Variants in HSPA14 observed in about 807,000 individuals in gnomAD.
HSPA14 encodes heat shock protein family A (Hsp70) member 14.
Under a neutral mutation model 65.5 loss-of-function variants are expected in HSPA14, and 37 were observed. That is an observed-to-expected ratio of 0.56 (90% CI 0.43 to 0.74). The LOEUF (loss-of-function observed/expected upper bound fraction) is 0.74. Among genes scored for constraint, HSPA14 ranks in the 30% least tolerant of loss-of-function variants. The pLI is 0.00. For synonymous variants in HSPA14, 203 were observed against 214.2 expected (o/e 0.95, Z 0.46); for missense variants, 564 against 607.6 (o/e 0.93, Z 0.75).
At chr10:14,866,348 G>C (rs1335814026) in intron 10 of HSPA14, among the ~76,000 whole-genome samples, 2 of 152,132 alleles carry the variant, frequency 1.3e-5, no homozygotes, top group Non-Finnish European at 1.5e-5. Context: ...CTTTCATCAG[G>C]TGGTCCTCTG....
intron 10 of HSPA14, among the ~76,000 whole-genome samples, chr10:14,864,450 T>C (rs1046148309): frequency 3.3e-5 from 5 of 152,048 alleles, no homozygotes; most frequent in African/African-American, 1.2e-4. Flanking sequence ...TCATTTACAT[T>C]AGGCATATCT....
intron 10 of HSPA14, among the ~76,000 whole-genome samples, chr10:14,857,866 A>AT (rs369385647): frequency 6.7e-6 from 1 of 148,920 alleles, no homozygotes; most frequent in Non-Finnish European, 1.5e-5. Context: ...GTTGTGACAA[A>AT]TTTTTTTTGC....
chr10:14,858,265 C>G (rs1473396103), intron 10 of HSPA14, among the ~76,000 whole-genome samples: 1 of 152,142 alleles, frequency 6.6e-6, no homozygotes, highest in Admixed American at 6.5e-5. Flanking sequence ...CTTAACCAAC[C>G]GGTCATGAAG....
chr10:14,839,880 A>G (rs1249622711), intron 1 of HSPA14, 25 bp from the exon 2 acceptor site: 1 of 1,575,188 alleles, frequency 6.3e-7, no homozygotes, highest in Non-Finnish European at 8.7e-7. Flanking sequence ...TAATGAGACT[A>G]TGTATTTCGT....
Position 14,862,286 on chromosome 10 carries a change from C to T in HSPA14, c.994-4797C>T, listed in dbSNP as rs1832756896. On this transcript the variant is annotated intron_variant, in intron 10 of 13. Transcript: ENST00000378372. The stretch of plus-strand genomic sequence containing the variant: ...CTCGTGATCCGCCTGCCTCGGCCTC[C>T]CAAAGTGCTGGGATGACAGGCGTGA... 2.0e-5 allele frequency among the ~76,000 whole-genome samples: 3 copies of T among 151,882 alleles called. No individual in the cohort carries two copies. In the South Asian group the frequency reaches 6.2e-4, roughly 32 times the overall value.
Position 14,842,019 on chromosome 10 carries a change from C to T in HSPA14, c.221+1862C>T. 3 of 700,464 alleles carry T rather than the reference C, an allele frequency of 4.3e-6. No individual in the cohort carries two copies. The South Asian group carries it at 4.7e-5, about 11-fold the overall frequency. 43.4% of individuals were successfully genotyped at this position (700,464 alleles called of 1,614,324 possible). On this transcript the variant is annotated intron_variant, in intron 3 of 13. Transcript: ENST00000378372. The surrounding 1 kb of genome is among the most constrained non-coding windows in gnomAD (Gnocchi z 5.2). ...GGGTGAACTCCCAAAGTTGGGCTATCTCAGTCTTGGCCTCATGCCTGTTTA... is the reference window on the plus strand; with the variant it reads ...GGGTGAACTCCCAAAGTTGGGCTATTTCAGTCTTGGCCTCATGCCTGTTTA...
intron 7 of HSPA14, among the ~76,000 whole-genome samples, chr10:14,851,578 C>T (rs900232480): frequency 3.9e-5 from 6 of 152,156 alleles, no homozygotes; most frequent in Admixed American, 6.5e-5. Context: ...TTTGAAAGTT[C>T]GAGGCCTGGC....
intron 13 of HSPA14, 72 bp from the exon 14 acceptor site, chr10:14,871,456 G>A: frequency 1.2e-6 from 1 of 867,804 alleles, no homozygotes; most frequent in Middle Eastern, 2.2e-4. Context: ...AAGCCCTCAA[G>A]TAACTTGTTA....
At position 14,838,408 on chromosome 10, in the gene HSPA14, G is replaced by A. The variant is rs748627896; in HGVS notation, c.6G>A (p.Ala2=). The A allele has an allele frequency of 9.3e-6, 15 of 1,604,628 alleles. No individual in the cohort carries two copies. The highest frequency in any genetic ancestry group is 1.2e-5 in the Non-Finnish European group (14 of 1,177,840). ...GCTGCCGTCCCTGCTGCCTCATGGC[G>A]GCCATCGGAGTTCACCTGGGCTGCA... is the stretch of plus-strand genomic sequence containing the variant. The part of the protein sequence containing the change: M[A]AIGVHLGCTS... Residue 2 remains alanine, a synonymous_variant, in exon 1 of 14, where the codon GCG becomes GCA. Transcript: ENST00000378372.
chr10:14,866,979 T>C (rs967754475), intron 10 of HSPA14, 104 bp from the exon 11 acceptor site: 112 of 776,852 alleles, frequency 1.4e-4, no homozygotes, highest in Admixed American at 1.7e-4. Flanking sequence ...TTTTTTTGTA[T>C]TTTATCTTTA....
intron 1 of HSPA14, chr10:14,838,661 G>A (rs1329825917): frequency 1.9e-6 from 1 of 537,280 alleles, no homozygotes; most frequent in South Asian, 2.5e-5. Flanking sequence ...TCTACTCCGC[G>A]GCGGAGGCTC....
chr10:14,840,143 G>T lies in HSPA14; in HGVS notation c.207G>T (p.Gln69His). ...CAAATACAGTAATGAAAGTAAAGCA[G>T]ATCCTGGGCAGAAGGTATGGAATCA... ...NISNTVMKVK[Q>H]ILGRSSSDPQ... Residue 69 changes from glutamine (Q) to histidine (H), a missense_variant, in exon 3 of 14, where the codon CAG (glutamine) becomes CAT (histidine). By Grantham distance (24) the Gln-to-His change is conservative. Coordinates refer to ENST00000378372, the MANE Select transcript of HSPA14 (RefSeq NM_016299.4). The T allele has an allele frequency of 6.9e-7, 1 of 1,454,144 alleles. No individual in the cohort carries two copies. Among genetic ancestry groups the T allele is most frequent in the Non-Finnish European group, 9.2e-7 (1 of 1,085,872 alleles). 90.1% of individuals were successfully genotyped at this position (1,454,144 alleles called of 1,614,324 possible).
Position 14,842,433 on chromosome 10 carries a change from T to G in HSPA14, c.221+2276T>G, listed in dbSNP as rs1833985623. The G allele has an allele frequency of 1.3e-6, 2 of 1,536,186 alleles. No homozygotes were observed. Among genetic ancestry groups the G allele is most frequent in the Non-Finnish European group, 1.7e-6 (2 of 1,146,928 alleles). On this transcript the variant is annotated intron_variant, in intron 3 of 13. Transcript: ENST00000378372. The surrounding 1 kb of genome is among the most constrained non-coding windows in gnomAD (Gnocchi z 5.2). The stretch of plus-strand genomic sequence containing the variant: ...GTCTATCAGGCTGTGTCTAAGCGAA[T>G]GCAGCAGGAGGGCTTCCGCCGCACC...
intron 3 of HSPA14, chr10:14,844,722 A>G: frequency 3.1e-6 from 3 of 963,682 alleles, no homozygotes; most frequent in Non-Finnish European, 3.7e-6. Context: ...ATAAAATATT[A>G]AATATATGTA....
intron 3 of HSPA14, among the ~76,000 whole-genome samples, chr10:14,841,696 TAGC>T (rs1564319009): frequency 6.6e-6 from 1 of 152,232 alleles, no homozygotes; most frequent in African/African-American, 2.4e-5. Flanking sequence ...AAATTTGTAT[TAGC>T]AGAGCAACTT....
intron 3 of HSPA14, chr10:14,846,698 T>A: frequency 1.0e-6 from 1 of 971,220 alleles, no homozygotes; most frequent in East Asian, 1.1e-4. Flanking sequence ...AAGGAACAGA[T>A]GAATGTATGA....
At chr10:14,847,290 C>T (rs1834067444) in intron 3 of HSPA14, among the ~76,000 whole-genome samples, 1 of 152,108 alleles carries the variant, frequency 6.6e-6, no homozygotes, top group Non-Finnish European at 1.5e-5. Context: ...GACTTAAATT[C>T]TAAAGAAAAC....
chr10:14,844,945 AT>A (rs1834030363), intron 3 of HSPA14: 7 of 985,450 alleles, frequency 7.1e-6, no homozygotes, highest in Non-Finnish European at 8.4e-6. Flanking sequence ...GCTTTCCAAG[AT>A]TCCTTTTCCT....
At chr10:14,865,764 G>A (rs1832801705) in intron 10 of HSPA14, among the ~76,000 whole-genome samples, 1 of 152,074 alleles carries the variant, frequency 6.6e-6, no homozygotes, top group African/African-American at 2.4e-5. Context: ...CTCCAGCTTT[G>A]TTCGTTTGGC....
Sources: gnomAD v4.1 joint callset for allele counts (sites outside exome capture counted in the v4.1 genomes callset) on GRCh38, gnomAD v4.1.1 for gene constraint, Gnocchi (gnomAD v3.1) non-coding constraint, MANE v1.5 for transcripts, NCBI Gene and HGNC (gene_info 2026-07-23, HGNC 2026-07-21) for gene names.